Variants in KIAA1217 observed in about 807,000 individuals in gnomAD.
KIAA1217 encodes the protein KIAA1217.
In KIAA1217, 88 loss-of-function variants were observed where a neutral mutation model predicts 163.9. That is an observed-to-expected ratio of 0.54 (90% CI 0.45 to 0.64). KIAA1217 has a LOEUF of 0.64. Among genes scored for constraint, KIAA1217 ranks in the 30% least tolerant of loss-of-function variants. The pLI is 0.00. For synonymous variants in KIAA1217, 903 were observed against 923.1 expected, an observed-to-expected ratio of 0.98 and a Z score of 0.39; for missense variants, 2,372 against 2,475.0, an observed-to-expected ratio of 0.96 and a Z score of 0.88.
At chr10:24,008,059 G>A (rs937767432) in intron 2 of KIAA1217, among the ~76,000 whole-genome samples, 7 of 151,992 alleles carry the variant, frequency 4.6e-5, no homozygotes, top group South Asian at 2.1e-4. Context: ...AACTATTAAC[G>A]TTTTTCATTT....
At chr10:24,412,026 G>A (rs562024977) in intron 3 of KIAA1217, among the ~76,000 whole-genome samples, 2 of 152,170 alleles carry the variant, frequency 1.3e-5, no homozygotes, top group African/African-American at 4.8e-5. Flanking sequence ...AGTAACATCT[G>A]CAGAGGAACA....
rs745677339 is a variant in KIAA1217 at position 24,546,005 on chromosome 10, A to G, written c.5513A>G (p.Asn1838Ser). 2.5e-6 allele frequency: 4 copies of G among 1,613,902 alleles called. No homozygotes were observed. Among genetic ancestry groups the G allele is most frequent in the Non-Finnish European group, 3.4e-6 (4 of 1,179,978 alleles). The change falls in exon 21 of 21, where the codon AAC becomes AGC. Residue 1838 changes from asparagine to serine, a missense_variant. By Grantham distance (46) the Asn-to-Ser change is conservative (BLOSUM62 1). Transcript: ENST00000376454. ...PPATKPSIAS[N>S]PLSPQTGPPA... is the part of the protein sequence containing the mutation. Reference sequence around the variant, plus strand: ...GCTACTAAACCATCGATTGCTTCTAACCCTCTCAGCCCCCAAACAGGACCA... The same window carrying G: ...GCTACTAAACCATCGATTGCTTCTAGCCCTCTCAGCCCCCAAACAGGACCA...
chr10:24,432,851 A>T lies in KIAA1217; in HGVS notation c.554-144A>T, dbSNP rs1025163507. Reference sequence around the variant, plus strand: ...ATAACCAAACAGTGCATTCCTTGGAAATTCCAAACCTAGATCTCTTGTTAC... The same window carrying T: ...ATAACCAAACAGTGCATTCCTTGGATATTCCAAACCTAGATCTCTTGTTAC... On this transcript the variant is annotated intron_variant, in intron 3 of 20. Transcript: ENST00000376454. The T allele has an allele frequency of 1.1e-5, 7 of 630,532 alleles. No homozygotes were observed. The South Asian group carries it at 1.4e-4, about 13-fold the overall frequency. 39.1% of individuals were successfully genotyped at this position (630,532 alleles called of 1,614,324 possible).
intron 5 of KIAA1217, among the ~76,000 whole-genome samples, chr10:24,462,504 G>A (rs141836322): frequency 5.1e-4 from 77 of 152,348 alleles, no homozygotes; most frequent in African/African-American, 1.8e-3. Context: ...CAGGTCACAC[G>A]CAAACAACCG....
At chr10:23,915,838 C>G in intron 1 of KIAA1217, among the ~76,000 whole-genome samples, 1 of 152,076 alleles carries the variant, frequency 6.6e-6, no homozygotes, top group Non-Finnish European at 1.5e-5. Flanking sequence ...GTGGGAAGTT[C>G]AAAGCCAGCT....
chr10:24,461,631 C>T (rs2062419365), intron 5 of KIAA1217, among the ~76,000 whole-genome samples: 1 of 152,178 alleles, frequency 6.6e-6, no homozygotes, highest in Non-Finnish European at 1.5e-5. Context: ...GCTGGGATTA[C>T]AGGTGTGAGC....
chr10:23,970,724 C>G (rs1845278954), intron 1 of KIAA1217, among the ~76,000 whole-genome samples: 1 of 152,194 alleles, frequency 6.6e-6, no homozygotes, highest in African/African-American at 2.4e-5. Flanking sequence ...AGGCCACCAA[C>G]CAACTGAATA....
chr10:24,526,463 A>T (rs1038164880), intron 13 of KIAA1217, among the ~76,000 whole-genome samples: 3 of 152,248 alleles, frequency 2.0e-5, no homozygotes, highest in Non-Finnish European at 4.4e-5. Flanking sequence ...TTGCCACTTT[A>T]AACATCTCAA....
chr10:24,175,438 T>C (rs1291713959), intron 2 of KIAA1217, among the ~76,000 whole-genome samples: 1 of 125,546 alleles, frequency 8.0e-6, no homozygotes, highest in East Asian at 2.3e-4. Flanking sequence ...CCATGGTGTA[T>C]ATATATGTGT....
rs1043289344 is a variant in KIAA1217, at chr10:23,746,949, G to A, written c.-321+51715G>A. On this transcript the variant is annotated intron_variant, in intron 1 of 18. Transcript: ENST00000376462. ...GGAGAGATAGAGATGGCAAAGGAAG[G>A]ATTAAGCAAAGTGTGCCAAGGGAGT... Among the ~76,000 whole-genome samples, 7 of 152,156 alleles carry A rather than the reference G, an allele frequency of 4.6e-5. No individual in the cohort carries two copies. In the South Asian group the frequency reaches 1.2e-3, roughly 27 times the overall value.
At chr10:24,264,190 C>T (rs1199380044) in intron 2 of KIAA1217, among the ~76,000 whole-genome samples, 1 of 152,124 alleles carries the variant, frequency 6.6e-6, no homozygotes, top group Non-Finnish European at 1.5e-5. Flanking sequence ...ACAACGAGTA[C>T]AGCGGGACTT....
chr10:24,186,719 C>T (rs2066448701), intron 2 of KIAA1217, among the ~76,000 whole-genome samples: 1 of 152,048 alleles, frequency 6.6e-6, no homozygotes, highest in Non-Finnish European at 1.5e-5. Flanking sequence ...GGTGAAATCC[C>T]TTCTTTACTA....
chr10:23,721,819 C>G (rs1272592915), intron 1 of KIAA1217, among the ~76,000 whole-genome samples: 1 of 151,946 alleles, frequency 6.6e-6, no homozygotes, highest in Admixed American at 6.6e-5. Context: ...GTGAGTACTC[C>G]TAATAAAATA....
At chr10:24,485,735 T>C (rs2065308358) in intron 6 of KIAA1217, among the ~76,000 whole-genome samples, 1 of 152,212 alleles carries the variant, frequency 6.6e-6, no homozygotes, top group South Asian at 2.1e-4. Flanking sequence ...CGCTACACAT[T>C]TTTCTCATTT....
chr10:24,217,282 C>T (rs539175188), intron 1 of KIAA1217, among the ~76,000 whole-genome samples: 9 of 152,144 alleles, frequency 5.9e-5, no homozygotes, highest in South Asian at 2.1e-4. Flanking sequence ...GTGTTGGAAG[C>T]GCAACCTAAA....
At chr10:23,791,364 C>T (rs1340826095) in intron 1 of KIAA1217, among the ~76,000 whole-genome samples, 2 of 152,106 alleles carry the variant, frequency 1.3e-5, no homozygotes, top group Non-Finnish European at 2.9e-5. Context: ...TAACTTCCCA[C>T]TCACTTCCCT....
At chr10:23,985,295 A>G (rs1468746761) in intron 1 of KIAA1217, among the ~76,000 whole-genome samples, 3 of 152,046 alleles carry the variant, frequency 2.0e-5, no homozygotes, top group African/African-American at 7.2e-5. Context: ...TCATATGTCA[A>G]CTCTACATGT....
At chr10:24,316,392 G>A (rs1321393231) in intron 2 of KIAA1217, among the ~76,000 whole-genome samples, 5 of 152,158 alleles carry the variant, frequency 3.3e-5, no homozygotes, top group Non-Finnish European at 5.9e-5. Context: ...GAAAGGCCTG[G>A]ACAAACCAGG....
chr10:23,893,380 C>T (rs887894861), intron 1 of KIAA1217, among the ~76,000 whole-genome samples: 2 of 151,982 alleles, frequency 1.3e-5, no homozygotes, highest in African/African-American at 4.8e-5. Context: ...ATTCTTCTCT[C>T]TTTTCTTCTT....
Sources: gnomAD v4.1 joint callset for allele counts (sites outside exome capture counted in the v4.1 genomes callset) on GRCh38, gnomAD v4.1.1 for gene constraint, MANE v1.5 for transcripts, NCBI Gene and HGNC (gene_info 2026-07-23, HGNC 2026-07-21) for gene names.